The following MGMT variants were observed in gnomAD, a reference collection of about 807,000 sequenced individuals.
MGMT encodes methylated-DNA--protein-cysteine methyltransferase.
Under a neutral mutation model 15.9 loss-of-function variants are expected in MGMT, and 14 were observed. The ratio of observed to expected loss-of-function variants is 0.88; its 90% CI spans 0.58 to 1.37. MGMT has a LOEUF of 1.37. MGMT is among the 40% of genes most tolerant of loss of function. The pLI is 0.00. For synonymous variants in MGMT, 130 were observed against 118.2 expected (o/e 1.10, Z -0.65); for missense variants, 282 against 268.1 (o/e 1.05, Z -0.36).
At chr10:129,623,006 A>C (rs1448472927) in intron 2 of MGMT, among the ~76,000 whole-genome samples, 1 of 152,142 alleles carries the variant, frequency 6.6e-6, no homozygotes, top group African/African-American at 2.4e-5. Context: ...TCTGCTGCTC[A>C]ATCTGTGGCC....
intron 1 of MGMT, among the ~76,000 whole-genome samples, chr10:129,480,406 A>G (rs1845344530): frequency 1.3e-5 from 2 of 152,208 alleles, no homozygotes; most frequent in Admixed American, 6.5e-5. Flanking sequence ...AGCGTCTTTC[A>G]TCGGCCCTGT....
At chr10:129,719,388 T>C (rs773416016) in intron 3 of MGMT, among the ~76,000 whole-genome samples, 3 of 152,258 alleles carry the variant, frequency 2.0e-5, no homozygotes, top group African/African-American at 4.8e-5. Flanking sequence ...GAAACACTCT[T>C]AGCCTTTGTA....
At chr10:129,553,939 CCT>C (rs1335422436) in intron 2 of MGMT, among the ~76,000 whole-genome samples, 2 of 152,240 alleles carry the variant, frequency 1.3e-5, no homozygotes, top group African/African-American at 4.8e-5. Flanking sequence ...ACGTTTCTCC[CCT>C]GATACAAAGA....
intron 2 of MGMT, among the ~76,000 whole-genome samples, chr10:129,644,441 A>G (rs768994230): frequency 3.9e-5 from 6 of 152,214 alleles, no homozygotes; most frequent in Non-Finnish European, 7.3e-5. Context: ...TGTGAAATTC[A>G]AGAGGACACA....
chr10:129,530,679 T>C (rs1414841903), intron 1 of MGMT, among the ~76,000 whole-genome samples: 3 of 152,248 alleles, frequency 2.0e-5, no homozygotes, highest in African/African-American at 7.2e-5. Flanking sequence ...GCATCTCCTC[T>C]TGTTGAAAAC....
chr10:129,478,645 C>T (rs143588922), intron 1 of MGMT, among the ~76,000 whole-genome samples: 1 of 152,332 alleles, frequency 6.6e-6, no homozygotes, highest in African/African-American at 2.4e-5. Flanking sequence ...AAGGATCTTG[C>T]CATTCCTAAG....
chr10:129,763,485 C>T lies in MGMT; in HGVS notation c.415-3303C>T, dbSNP rs138890064. Among the ~76,000 whole-genome samples the T allele has an allele frequency of 2.2e-4, 34 of 152,222 alleles. No individual in the cohort carries two copies. In the East Asian group the frequency reaches 5.8e-3, roughly 26 times the overall value. ...ACAGCTGTCGGGGTCATTGTTATTC[C>T]GTGCCATCTGTCCTGGCCTCTGCAT... On this transcript the variant is annotated intron_variant, in intron 4 of 4. Transcript: ENST00000651593.
intron 2 of MGMT, among the ~76,000 whole-genome samples, chr10:129,626,708 G>A (rs1468822788): frequency 6.6e-6 from 1 of 152,222 alleles, no homozygotes; most frequent in Non-Finnish European, 1.5e-5. Flanking sequence ...GACTTCCACT[G>A]GACAGTGCCA....
intron 2 of MGMT, among the ~76,000 whole-genome samples, chr10:129,550,572 A>G (rs1175986111): frequency 6.6e-6 from 1 of 150,564 alleles, no homozygotes; most frequent in Non-Finnish European, 1.5e-5. Context: ...TCAGCCCCCC[A>G]AGTAGCTGGG....
intron 3 of MGMT, among the ~76,000 whole-genome samples, chr10:129,757,772 G>A (rs371084123): frequency 1.3e-5 from 2 of 152,164 alleles, no homozygotes; most frequent in African/African-American, 4.8e-5. Context: ...GCCATCAGCC[G>A]GTAATACAAC....
intron 2 of MGMT, among the ~76,000 whole-genome samples, chr10:129,653,107 C>T (rs1168371520): frequency 1.3e-5 from 2 of 152,190 alleles, no homozygotes; most frequent in Non-Finnish European, 2.9e-5. Context: ...AAAAGAGAAA[C>T]ATGGTCCGGG....
chr10:129,768,894 C>CAGGA lies in MGMT; in HGVS notation c.*1897_*1898insAGGA, dbSNP rs1481000265. The CAGGA allele has an allele frequency of 3.9e-5, 6 of 152,326 alleles. No individual in the cohort carries two copies. The highest frequency in any genetic ancestry group is 2.1e-4 in the South Asian group (1 of 4,838). 9.4% of individuals were successfully genotyped at this position (152,326 alleles called of 1,614,324 possible). A position where few individuals can be genotyped will look rare whatever the true frequency, so the allele number is the denominator to read the frequency against. On this transcript the variant is annotated 3_prime_UTR_variant, in exon 5 of 5. Transcript: ENST00000651593. ...GGCAGGCATGCACGCTGCAGGCAGG[C>CAGGA]TGCCTCCGCTGTTTGGGTCCCATGA...
At chr10:129,624,012 T>C (rs957010648) in intron 2 of MGMT, among the ~76,000 whole-genome samples, 4 of 152,226 alleles carry the variant, frequency 2.6e-5, no homozygotes, top group Admixed American at 6.5e-5. Flanking sequence ...GGTCTTCCCA[T>C]GTGTACCCTG....
chr10:129,616,968 T>C (rs1847035101), intron 2 of MGMT, among the ~76,000 whole-genome samples: 1 of 152,224 alleles, frequency 6.6e-6, no homozygotes, highest in South Asian at 2.1e-4. Context: ...GCTCTTTTAT[T>C]ATGTAACTTG....
chr10:129,668,129 T>A (rs1323877161), intron 2 of MGMT, among the ~76,000 whole-genome samples: 1 of 152,164 alleles, frequency 6.6e-6, no homozygotes, highest in South Asian at 2.1e-4. Context: ...TTTTGTCAGG[T>A]TTAAGAAGTC....
chr10:129,611,713 G>C (rs779573654), intron 2 of MGMT, among the ~76,000 whole-genome samples: 5 of 152,170 alleles, frequency 3.3e-5, no homozygotes, highest in African/African-American at 7.2e-5. Flanking sequence ...GAGGCCGGGG[G>C]CCTAAGTCTT....
At position 129,616,830 on chromosome 10, in the gene MGMT, G is replaced by C. The variant is rs1847032906; in HGVS notation, c.125+80453G>C. On this transcript the variant is annotated intron_variant, in intron 2 of 4. Coordinates refer to ENST00000651593, the MANE Select transcript of MGMT (RefSeq NM_002412.5). ...ACTTGCAGATAGCGGTGAGGTGGGA[G>C]AGGGGCCTGGGAGTGTGCTCTTCAT... Among the ~76,000 whole-genome samples the C allele has an allele frequency of 2.0e-5, 3 of 152,110 alleles. No individual in the cohort carries two copies. The South Asian group carries it at 6.2e-4, about 32-fold the overall frequency.
intron 2 of MGMT, among the ~76,000 whole-genome samples, chr10:129,627,755 T>A (rs1414920964): frequency 1.3e-5 from 2 of 152,234 alleles, no homozygotes; most frequent in Non-Finnish European, 2.9e-5. Context: ...GTTATATATT[T>A]TATAGACACT....
chr10:129,473,576 T>C (rs1184051812), intron 1 of MGMT, among the ~76,000 whole-genome samples: 4 of 152,226 alleles, frequency 2.6e-5, no homozygotes, highest in Non-Finnish European at 5.9e-5. Flanking sequence ...TGCAGGCTCA[T>C]AACCACTTGT....
Sources: gnomAD v4.1 joint callset for allele counts (sites outside exome capture counted in the v4.1 genomes callset) on GRCh38, gnomAD v4.1.1 for gene constraint, MANE v1.5 for transcripts, NCBI Gene and HGNC (gene_info 2026-07-23, HGNC 2026-07-21) for gene names.